Variants in ENOPH1 observed in about 807,000 individuals in gnomAD.
ENOPH1 encodes the protein enolase-phosphatase 1.
ENOPH1 carries 14 observed loss-of-function variants against 31.1 expected under a neutral mutation model. That is an observed-to-expected ratio of 0.45 (90% CI 0.30 to 0.70). The LOEUF (loss-of-function observed/expected upper bound fraction) is 0.70. Among genes scored for constraint, ENOPH1 ranks in the 30% least tolerant of loss-of-function variants. The pLI is 0.09. For missense variants in ENOPH1, 243 were observed against 321.5 expected (o/e 0.76, Z 1.87); for synonymous variants, 127 against 123.2 (o/e 1.03, Z -0.21).
Position 82,456,971 on chromosome 4 carries a change from C to T in ENOPH1, c.579C>T (p.Tyr193=). ...KIGHKVESES[Y]RKIADSIGCS... ...GACACAAAGTAGAGAGTGAAAGTTA[C>T]CGAAAGATTGCAGACAGCATTGGGT... The change falls in exon 5 of 6, where the codon TAC becomes TAT. Residue 193 remains tyrosine, a synonymous_variant. Coordinates refer to ENST00000273920, the MANE Select transcript of ENOPH1 (RefSeq NM_021204.5). The T allele has an allele frequency of 1.2e-6, 2 of 1,614,036 alleles. No individual in the cohort carries two copies. Among genetic ancestry groups the T allele is most frequent in the Non-Finnish European group, 1.7e-6 (2 of 1,179,988 alleles).
intron 2 of ENOPH1, 87 bp downstream of exon 2, chr4:82,448,108 A>C: frequency 1.1e-6 from 1 of 872,848 alleles, no homozygotes; most frequent in East Asian, 2.7e-5. Flanking sequence ...ATTTTGTAAA[A>C]TAAGTGCCCT....
chr4:82,459,896 C>T, intron 5 of ENOPH1, 85 bp from the exon 6 acceptor site: 1 of 1,485,384 alleles, frequency 6.7e-7, no homozygotes, highest in Non-Finnish European at 9.3e-7. Flanking sequence ...CTTCCATCCC[C>T]ACATCCCCCT....
intron 5 of ENOPH1, among the ~76,000 whole-genome samples, chr4:82,459,662 G>T (rs1170336696): frequency 6.6e-6 from 1 of 152,118 alleles, no homozygotes. Flanking sequence ...TGGAGGAAAG[G>T]TGTAGGACAG....
chr4:82,431,731 C>T (rs547593539), intron 1 of ENOPH1, among the ~76,000 whole-genome samples: 30 of 152,126 alleles, frequency 2.0e-4, no homozygotes, highest in African/African-American at 6.0e-4. Flanking sequence ...ATTTGGCTCC[C>T]TGAGGTTTAA....
Position 82,431,305 on chromosome 4 carries a change from C to T in ENOPH1, c.84+392C>T, listed in dbSNP as rs1301426136. ...GTCGGGCCTGGTGTGGCAGCGGCAG[C>T]GATTTAATGGTCCTTAAAGCTTCCG... On this transcript the variant is annotated intron_variant, in intron 1 of 5. Coordinates refer to ENST00000273920, the MANE Select transcript of ENOPH1 (RefSeq NM_021204.5). Among the ~76,000 whole-genome samples the T allele has an allele frequency of 4.6e-5, 7 of 152,308 alleles. No homozygotes were observed. In the East Asian group the frequency reaches 1.2e-3, roughly 25 times the overall value.
At chr4:82,443,596 C>T (rs546536452) in intron 1 of ENOPH1, among the ~76,000 whole-genome samples, 20 of 148,426 alleles carry the variant, frequency 1.3e-4, no homozygotes, top group South Asian at 6.6e-4. Context: ...GGCGTGGTGG[C>T]GGGCGCCTGA....
At chr4:82,452,011 G>C (rs1171093973) in intron 3 of ENOPH1, among the ~76,000 whole-genome samples, 1 of 152,010 alleles carries the variant, frequency 6.6e-6, no homozygotes, top group African/African-American at 2.4e-5. Context: ...AAACTTCTGG[G>C]CTTGAGCGAT....
chr4:82,454,808 C>T lies in ENOPH1; in HGVS notation c.476C>T (p.Ala159Val), dbSNP rs781702089. The change falls in exon 4 of 6, where the codon GCA becomes GTA. Residue 159 changes from alanine to valine, a missense_variant. Coordinates refer to ENST00000273920, the MANE Select transcript of ENOPH1 (RefSeq NM_021204.5). ...ATCTATTCCTCAGGGAGTGTGGAGG[C>T]ACAGAAACTGTTATTCGGGCATTCT... ...VYIYSSGSVE[A>V]QKLLFGHSTE... The T allele has an allele frequency of 6.2e-7, 1 of 1,613,686 alleles. No homozygotes were observed. Among genetic ancestry groups the T allele is most frequent in the African/African-American group, 1.3e-5 (1 of 74,908 alleles).
Position 82,454,733 on chromosome 4 carries a change from A to T in ENOPH1, c.401A>T (p.Asp134Val). The change falls in exon 4 of 6, where the codon GAT (aspartate) becomes GTT (valine). Residue 134 changes from aspartate to valine, a missense_variant. Coordinates refer to ENST00000273920, the MANE Select transcript of ENOPH1 (RefSeq NM_021204.5). The part of the protein sequence containing the change: ...AGRMKAEFFA[D>V]VVPAVRKWRE... Reference sequence around the variant, plus strand: ...GGTCTTCCCTCTAGGTTCTTTGCAGATGTAGTTCCAGCAGTCAGGAAGTGG... The same window carrying T: ...GGTCTTCCCTCTAGGTTCTTTGCAGTTGTAGTTCCAGCAGTCAGGAAGTGG... 1.2e-6 allele frequency: 2 copies of T among 1,613,250 alleles called. No homozygotes were observed. The highest frequency in any genetic ancestry group is 1.7e-6 in the Non-Finnish European group (2 of 1,179,820).
In ENOPH1 at chr4:82,435,919, GA is replaced by G. The variant is rs1721893522; in HGVS notation, c.84+5008del. 2.0e-5 allele frequency among the ~76,000 whole-genome samples: 3 copies of G among 152,330 alleles called. No individual in the cohort carries two copies. In the South Asian group the frequency reaches 6.2e-4, roughly 32 times the overall value. On this transcript the variant is annotated intron_variant, in intron 1 of 5. Coordinates refer to ENST00000273920, the MANE Select transcript of ENOPH1 (RefSeq NM_021204.5). Reference sequence around the variant, plus strand: ...ATGCTTTGTTTATAAAGGTGGTGATGAAGGTTAAATAAGATGGAATTCAAAA... The same window carrying G: ...ATGCTTTGTTTATAAAGGTGGTGATGAGGTTAAATAAGATGGAATTCAAAA...
chr4:82,432,577 C>G (rs1221004033), intron 1 of ENOPH1, among the ~76,000 whole-genome samples: 2 of 152,088 alleles, frequency 1.3e-5, no homozygotes, highest in Non-Finnish European at 2.9e-5. Flanking sequence ...TCAAGTGATT[C>G]ACCCACCTCA....
chr4:82,457,401 C>A (rs1722517726), intron 5 of ENOPH1, among the ~76,000 whole-genome samples: 1 of 152,130 alleles, frequency 6.6e-6, no homozygotes. Flanking sequence ...GTGGTCCCAG[C>A]TGCATGGGAG....
At position 82,460,333 on chromosome 4, in the gene ENOPH1, A is replaced by G; in HGVS notation, c.*213A>G. 2.2e-6 allele frequency: 1 copy of G among 449,270 alleles called. No individual in the cohort carries two copies. Among genetic ancestry groups the G allele is most frequent in the Non-Finnish European group, 3.9e-6 (1 of 256,468 alleles). 27.8% of individuals were successfully genotyped at this position (449,270 alleles called of 1,614,324 possible). On this transcript the variant is annotated 3_prime_UTR_variant, in exon 6 of 6. Coordinates refer to ENST00000273920, the MANE Select transcript of ENOPH1 (RefSeq NM_021204.5). ...CACAAAACTTATTTAAAGATGCTTT[A>G]TATGTAGAAATTGTTTCAAATCATA...
At chr4:82,455,655 G>C (rs929898786) in intron 4 of ENOPH1, among the ~76,000 whole-genome samples, 1 of 151,918 alleles carries the variant, frequency 6.6e-6, no homozygotes, top group Non-Finnish European at 1.5e-5. Flanking sequence ...ACGTGGTGGC[G>C]GGCACCTGTA....
chr4:82,433,208 AC>A (rs1044585108), intron 1 of ENOPH1, among the ~76,000 whole-genome samples: 1 of 152,104 alleles, frequency 6.6e-6, no homozygotes, highest in African/African-American at 2.4e-5. Flanking sequence ...GGAGTAAGAA[AC>A]CTCATACAAA....
At chr4:82,448,919 G>A (rs1456431505) in intron 2 of ENOPH1, among the ~76,000 whole-genome samples, 3 of 151,328 alleles carry the variant, frequency 2.0e-5, no homozygotes, top group Admixed American at 6.6e-5. Context: ...TTAGCCGGGC[G>A]TAGTGGCCGG....
intron 1 of ENOPH1, among the ~76,000 whole-genome samples, chr4:82,432,855 C>T (rs1383419530): frequency 3.3e-5 from 5 of 152,174 alleles, no homozygotes; most frequent in African/African-American, 1.2e-4. Flanking sequence ...GGTAATCCTC[C>T]CGTGTCGGCC....
At chr4:82,446,511 C>T (rs954331341) in intron 1 of ENOPH1, among the ~76,000 whole-genome samples, 8 of 151,906 alleles carry the variant, frequency 5.3e-5, no homozygotes, top group African/African-American at 1.9e-4. Flanking sequence ...TTGTGTTAGT[C>T]CTGTGTAGCA....
At chr4:82,459,100 C>T (rs1278075054) in intron 5 of ENOPH1, among the ~76,000 whole-genome samples, 2 of 152,030 alleles carry the variant, frequency 1.3e-5, no homozygotes. Flanking sequence ...TATATATATT[C>T]CAGATTTCTC....
Sources: gnomAD v4.1 joint callset for allele counts (sites outside exome capture counted in the v4.1 genomes callset) on GRCh38, gnomAD v4.1.1 for gene constraint, MANE v1.5 for transcripts, NCBI Gene and HGNC (gene_info 2026-07-23, HGNC 2026-07-21) for gene names.